ENTREP2: variants seen among roughly 807,000 people sequenced by gnomAD.
The protein encoded by ENTREP2 is endosomal transmembrane epsin interactor 2.
chr15:29,393,128 C>A, the ENTREP2 span, among the ~76,000 whole-genome samples: 1 of 152,166 alleles, frequency 6.6e-6, no homozygotes, highest in Non-Finnish European at 1.5e-5. Flanking sequence ...GACATGTTGT[C>A]CCAGGAGGGT....
the ENTREP2 span, among the ~76,000 whole-genome samples, chr15:29,298,253 T>A: frequency 2.0e-5 from 3 of 152,154 alleles, no homozygotes; most frequent in Admixed American, 6.5e-5. Context: ...TTAGAGGGAA[T>A]TTATAGCCCT....
At chr15:29,535,963 G>C in the ENTREP2 span, among the ~76,000 whole-genome samples, 1 of 152,156 alleles carries the variant, frequency 6.6e-6, no homozygotes, top group Non-Finnish European at 1.5e-5. Flanking sequence ...AAGGCAGGGA[G>C]GCAGACCCAG....
At chr15:29,355,505 TAA>T in the ENTREP2 span, among the ~76,000 whole-genome samples, 3 of 141,130 alleles carry the variant, frequency 2.1e-5, no homozygotes, top group African/African-American at 5.0e-5. Flanking sequence ...GTGATACAAA[TAA>T]AAAAAAAAAA....
the ENTREP2 span, among the ~76,000 whole-genome samples, chr15:29,319,372 A>T: frequency 1.8e-4 from 27 of 152,338 alleles, no homozygotes; most frequent in South Asian, 5.6e-3. Flanking sequence ...GCACAAGTCA[A>T]TGCAGGCTGA....
At chr15:29,611,513 C>T in the ENTREP2 span, among the ~76,000 whole-genome samples, 20 of 152,108 alleles carry the variant, frequency 1.3e-4, no homozygotes, top group African/African-American at 1.9e-4. Context: ...AGACCCTCCA[C>T]GTGCACCCTT....
chr15:29,656,467 T>C, the ENTREP2 span, among the ~76,000 whole-genome samples: 81 of 152,288 alleles, frequency 5.3e-4, no homozygotes, highest in African/African-American at 1.9e-3. Context: ...GTGCAGGCAA[T>C]CTGCCTGCCT....
the ENTREP2 span, among the ~76,000 whole-genome samples, chr15:29,294,895 C>G: frequency 6.6e-6 from 1 of 152,196 alleles, no homozygotes; most frequent in Non-Finnish European, 1.5e-5. Context: ...AGTCCCGAGG[C>G]TGGGACCCTG....
At chr15:29,627,626 C>T in the ENTREP2 span, among the ~76,000 whole-genome samples, 2 of 151,770 alleles carry the variant, frequency 1.3e-5, no homozygotes, top group Non-Finnish European at 2.9e-5. Flanking sequence ...GAAACTCTAT[C>T]CATTAAATGG....
chr15:29,641,675 C>T, the ENTREP2 span, among the ~76,000 whole-genome samples: 7,027 of 151,462 alleles, frequency 0.046, 186 homozygotes, highest in South Asian at 0.066. Context: ...CTAAAAAAAG[C>T]ACAAAAATTA....
the ENTREP2 span, chr15:29,234,799 G>A: frequency 1.4e-6 from 2 of 1,466,542 alleles, no homozygotes; most frequent in East Asian, 2.3e-5. Flanking sequence ...CTCCAGAGCA[G>A]GATACAATCT....
At chr15:29,527,332 G>T in the ENTREP2 span, among the ~76,000 whole-genome samples, 1 of 152,034 alleles carries the variant, frequency 6.6e-6, no homozygotes. Flanking sequence ...TTAAAAAGGG[G>T]GTTCCATGGG....
the ENTREP2 span, among the ~76,000 whole-genome samples, chr15:29,443,440 A>G: frequency 2.1e-4 from 32 of 152,170 alleles, no homozygotes; most frequent in Admixed American, 2.1e-3. Flanking sequence ...ACATTAGGAA[A>G]TAGCCAAGGA....
chr15:29,178,053 G>A, the ENTREP2 span, among the ~76,000 whole-genome samples: 1 of 152,142 alleles, frequency 6.6e-6, no homozygotes, highest in African/African-American at 2.4e-5. Flanking sequence ...AACACTTAGG[G>A]AGGTTGAGGC....
the ENTREP2 span, among the ~76,000 whole-genome samples, chr15:29,520,423 G>A: frequency 1.3e-5 from 2 of 152,072 alleles, no homozygotes; most frequent in Non-Finnish European, 2.9e-5. Context: ...TGTGATATGT[G>A]ACCTATGAAT....
chr15:29,608,522 TTTATTA>T, the ENTREP2 span, among the ~76,000 whole-genome samples: 126 of 140,550 alleles, frequency 9.0e-4, no homozygotes, highest in Admixed American at 1.4e-3. Context: ...TCCTGCCTTC[TTTATTA>T]TTATTATTAT....
chr15:29,219,620 T>C, the ENTREP2 span, among the ~76,000 whole-genome samples: 1 of 14,352 alleles, frequency 7.0e-5, no homozygotes, highest in Admixed American at 7.7e-4. Flanking sequence ...CATAAATATA[T>C]ATATATATAT....
chr15:29,449,112 T>C, the ENTREP2 span, among the ~76,000 whole-genome samples: 11 of 152,020 alleles, frequency 7.2e-5, no homozygotes, highest in African/African-American at 2.4e-4. Flanking sequence ...AAAGAAAGAG[T>C]AGTGGACATT....
the ENTREP2 span, among the ~76,000 whole-genome samples, chr15:29,360,988 G>GT: frequency 1.3e-5 from 2 of 152,168 alleles, no homozygotes; most frequent in African/African-American, 4.8e-5. Flanking sequence ...CACCACGGCT[G>GT]TCCCTTTCTC....
chr15:29,458,848 T>C, the ENTREP2 span, among the ~76,000 whole-genome samples: 1 of 152,100 alleles, frequency 6.6e-6, no homozygotes, highest in African/African-American at 2.4e-5. Flanking sequence ...CTTAATGGGG[T>C]AGTATTTTTT....
Sources: allele counts gnomAD v4.1 joint callset (sites outside exome capture counted in the v4.1 genomes callset), GRCh38; gene constraint gnomAD v4.1.1; transcripts MANE v1.5; gene names NCBI Gene and HGNC (gene_info 2026-07-23, HGNC 2026-07-21).